STON2: variants seen among roughly 807,000 people sequenced by gnomAD.
STON2 encodes the protein stonin 2.
STON2 carries 29 observed loss-of-function variants against 65.7 expected under a neutral mutation model. That is an observed-to-expected ratio of 0.44 (90% CI 0.33 to 0.60). STON2 has a LOEUF of 0.60. Ranked by LOEUF, STON2 falls within the 20% of genes least tolerant of loss-of-function variation. STON2 has a pLI of 0.03. For missense variants in STON2, 1,054 were observed against 1,118.1 expected, an observed-to-expected ratio of 0.94 and a Z score of 0.82; for synonymous variants, 404 against 414.2, an observed-to-expected ratio of 0.98 and a Z score of 0.30.
chr14:81,429,812 G>A (rs1406375730), intron 1 of STON2, among the ~76,000 whole-genome samples: 8 of 152,002 alleles, frequency 5.3e-5, no homozygotes. Flanking sequence ...GTGGGCGCCT[G>A]TAATCCCCGC....
Position 81,267,759 on chromosome 14 carries a change from C to G in STON2, c.*655G>C. 3.0e-6 allele frequency: 3 copies of G among 985,340 alleles called. No individual in the cohort carries two copies. In the South Asian group the frequency reaches 1.4e-4, roughly 46 times the overall value. 61.0% of individuals were successfully genotyped at this position (985,340 alleles called of 1,614,324 possible). A position where few individuals can be genotyped will look rare whatever the true frequency, so the allele number is the denominator to read the frequency against. On this transcript the variant is annotated 3_prime_UTR_variant, in exon 8 of 8. Transcript: ENST00000614646. The stretch of plus-strand genomic sequence containing the variant: ...CTCCTATTGTGCCTTTTTCCATTGT[C>G]TATTGTGACTCAGGATAGCAAATCC...
chr14:81,287,113 T>C (rs549546478), intron 5 of STON2, among the ~76,000 whole-genome samples: 7 of 152,296 alleles, frequency 4.6e-5, no homozygotes, highest in Middle Eastern at 3.4e-3. Flanking sequence ...CACTAATGTG[T>C]AAATGTATAG....
Position 81,277,670 on chromosome 14 carries a change from G to A in STON2, c.1812C>T (p.Asp604=), listed in dbSNP as rs776545374. 4.3e-6 allele frequency: 7 copies of A among 1,614,084 alleles called. No homozygotes were observed. Among genetic ancestry groups the A allele is most frequent in the Non-Finnish European group, 5.9e-6 (7 of 1,180,052 alleles). ...DFLSFIHAVQ[D]RLMDLPVLSM... ...ACAACACTGGCAGATCCATGAGACG[G>A]TCCTGAACTGCATGGATGAAACTCA... The change falls in exon 6 of 8, where the codon GAC becomes GAT. Residue 604 remains aspartate, a synonymous_variant. Transcript: ENST00000614646.
intron 4 of STON2, among the ~76,000 whole-genome samples, chr14:81,345,617 C>T (rs1490461142): frequency 6.6e-6 from 1 of 152,030 alleles, no homozygotes; most frequent in Non-Finnish European, 1.5e-5. Context: ...AAAAATTAGC[C>T]GAGCATGGTG....
intron 5 of STON2, among the ~76,000 whole-genome samples, chr14:81,312,783 T>C (rs934123412): frequency 3.3e-5 from 5 of 152,254 alleles, no homozygotes; most frequent in Admixed American, 6.5e-5. Context: ...GCCAATCCTT[T>C]TGAAAACTGG....
At chr14:81,395,639 G>T (rs941901141) in intron 3 of STON2, 3 of 464,246 alleles carry the variant, frequency 6.5e-6, no homozygotes, top group African/African-American at 2.0e-5. Flanking sequence ...TTATTTTAAA[G>T]ACAAGTCAAC....
chr14:81,281,689 C>G (rs181312015), intron 5 of STON2, among the ~76,000 whole-genome samples: 1 of 152,172 alleles, frequency 6.6e-6, no homozygotes, highest in African/African-American at 2.4e-5. Context: ...GAAAAAAAGG[C>G]CTTTGTCCCT....
At chr14:81,421,682 C>G (rs142100713) in intron 2 of STON2, among the ~76,000 whole-genome samples, 197 of 152,212 alleles carry the variant, frequency 1.3e-3, no homozygotes, top group African/African-American at 4.4e-3. Flanking sequence ...AAAACTGGAT[C>G]AATTTTTGTA....
intron 1 of STON2, among the ~76,000 whole-genome samples, chr14:81,434,670 GAGA>G (rs1180111042): frequency 1.3e-4 from 20 of 152,164 alleles, no homozygotes; most frequent in Admixed American, 1.2e-3. Context: ...GAGAAGCTTT[GAGA>G]AGGTTTTTTG....
intron 4 of STON2, among the ~76,000 whole-genome samples, chr14:81,338,171 G>T (rs1010581527): frequency 6.6e-6 from 1 of 152,128 alleles, no homozygotes. Flanking sequence ...ACTCTTGGCG[G>T]ACTTCTGAAC....
chr14:81,278,299 G>C lies in STON2; in HGVS notation c.1183C>G (p.Gln395Glu). The part of the protein sequence containing the change: ...INPFSAFFEE[Q>E]ERRSQNSSIS... ...GAACTGTTTTGGGAGCGCCTCTCCT[G>C]CTCCTCAAAGAAAGCACTGAAAGGG... The change falls in exon 6 of 8, where the codon CAG becomes GAG. Residue 395 changes from glutamine (Q) to glutamate (E), a missense_variant. By Grantham distance (29) the Gln-to-Glu change is conservative. Coordinates refer to ENST00000614646, the MANE Select transcript of STON2 (RefSeq NM_001394390.1). 4.3e-6 allele frequency: 7 copies of C among 1,614,170 alleles called. No individual in the cohort carries two copies. The East Asian group carries it at 1.1e-4, about 26-fold the overall frequency.
intron 4 of STON2, among the ~76,000 whole-genome samples, chr14:81,353,740 C>A (rs1346799544): frequency 6.6e-6 from 1 of 152,156 alleles, no homozygotes; most frequent in East Asian, 1.9e-4. Context: ...TCCACCAAGA[C>A]CTGTGTCCAG....
intron 4 of STON2, among the ~76,000 whole-genome samples, chr14:81,369,123 A>G (rs1020963816): frequency 5.9e-5 from 9 of 152,076 alleles, no homozygotes; most frequent in Non-Finnish European, 1.2e-4. Flanking sequence ...CTGTCGCCAT[A>G]GCTCCTGTTG....
Position 81,263,754 on chromosome 14 carries a change from C to T in STON2, c.*4660G>A. On this transcript the variant is annotated 3_prime_UTR_variant, in exon 8 of 8. Coordinates refer to ENST00000614646, the MANE Select transcript of STON2 (RefSeq NM_001394390.1). ...TCATTTTTAGAAGAGTTAAAGTTACCACTCGAACTGGGAGCATTTCTATAA... is the reference window on the plus strand; with the variant it reads ...TCATTTTTAGAAGAGTTAAAGTTACTACTCGAACTGGGAGCATTTCTATAA... 1 of 985,144 alleles carries T rather than the reference C, an allele frequency of 1.0e-6. No individual in the cohort carries two copies. The highest frequency in any genetic ancestry group is 1.2e-6 in the Non-Finnish European group (1 of 829,834). The allele number at this position is 985,144 out of a possible 1,614,324, so 61.0% of individuals were successfully genotyped here.
At chr14:81,408,043 A>T (rs1335558603) in intron 2 of STON2, among the ~76,000 whole-genome samples, 2 of 151,970 alleles carry the variant, frequency 1.3e-5, no homozygotes, top group African/African-American at 4.8e-5. Context: ...AAGGACTTGA[A>T]TACTGCTTCT....
At chr14:81,281,490 C>T (rs1272913569) in intron 5 of STON2, among the ~76,000 whole-genome samples, 1 of 152,182 alleles carries the variant, frequency 6.6e-6, no homozygotes, top group East Asian at 1.9e-4. Context: ...TATTGGCCCA[C>T]CCCTGGCATC....
intron 3 of STON2, among the ~76,000 whole-genome samples, chr14:81,376,135 AC>A (rs1374372993): frequency 1.3e-5 from 2 of 151,906 alleles, no homozygotes; most frequent in South Asian, 2.1e-4. Flanking sequence ...TTATTAAGAT[AC>A]AAAAGTAGAG....
intron 5 of STON2, chr14:81,278,942 G>A (rs556387119): frequency 4.8e-6 from 2 of 419,124 alleles, no homozygotes; most frequent in South Asian, 9.6e-5. Context: ...ATCGCATTAA[G>A]TGCAATAAGA....
intron 4 of STON2, among the ~76,000 whole-genome samples, chr14:81,340,345 T>C (rs1381059945): frequency 2.6e-5 from 4 of 152,070 alleles, no homozygotes; most frequent in African/African-American, 7.2e-5. Flanking sequence ...CGAGGAACTA[T>C]TGGGGTTAGT....
Sources: gnomAD v4.1 joint callset for allele counts (sites outside exome capture counted in the v4.1 genomes callset) on GRCh38, gnomAD v4.1.1 for gene constraint, MANE v1.5 for transcripts, NCBI Gene and HGNC (gene_info 2026-07-23, HGNC 2026-07-21) for gene names.